Variants in HCN1 observed in about 807,000 individuals in gnomAD.
The protein encoded by HCN1 is potassium/sodium hyperpolarization-activated cyclic nucleotide-gated channel 1.
HCN1 carries 13 observed loss-of-function variants against 78.9 expected under a neutral mutation model. The observed-to-expected ratio is 0.16, with a 90% CI of 0.11 to 0.26. The LOEUF is 0.26. Among genes scored for constraint, HCN1 ranks in the 10% least tolerant of loss-of-function variants. The pLI, the probability that HCN1 is intolerant of heterozygous loss-of-function variation, is 1.00. For missense variants in HCN1, 810 were observed against 1,154.3 expected (o/e 0.70, Z 4.32); for synonymous variants, 552 against 455.5 (o/e 1.21, Z -2.70).
At chr5:45,595,105 A>C (rs1744460097) in intron 2 of HCN1, among the ~76,000 whole-genome samples, 1 of 152,114 alleles carries the variant, frequency 6.6e-6, no homozygotes, top group Non-Finnish European at 1.5e-5. Context: ...TTTTTTTCCA[A>C]GTAATAGAGA....
At chr5:45,659,195 C>A (rs57676056) in intron 1 of HCN1, among the ~76,000 whole-genome samples, 1 of 148,920 alleles carries the variant, frequency 6.7e-6, no homozygotes, top group South Asian at 2.2e-4. Flanking sequence ...CAGGGGCACA[C>A]TGACACCTCA....
chr5:45,494,960 T>A (rs1579929811), intron 2 of HCN1, among the ~76,000 whole-genome samples: 2 of 146,926 alleles, frequency 1.4e-5, no homozygotes, highest in South Asian at 4.5e-4. Flanking sequence ...TTGATCTATA[T>A]CTCTGTTTTG....
intron 5 of HCN1, 130 bp downstream of exon 5, chr5:45,352,967 AAAG>A (rs1276934181): frequency 3.5e-5 from 25 of 715,148 alleles, no homozygotes; most frequent in Non-Finnish European, 5.4e-5. Context: ...GTGAGAAGCT[AAAG>A]AAGATAAGGA....
chr5:45,453,784 T>C (rs1356337054), intron 3 of HCN1, among the ~76,000 whole-genome samples: 1 of 152,176 alleles, frequency 6.6e-6, no homozygotes, highest in Non-Finnish European at 1.5e-5. Context: ...TAATGTGTTA[T>C]ACATACATGA....
chr5:45,473,136 T>G (rs528287312), intron 2 of HCN1, among the ~76,000 whole-genome samples: 1 of 152,058 alleles, frequency 6.6e-6, no homozygotes, highest in Non-Finnish European at 1.5e-5. Context: ...TTATCAAAAT[T>G]TTCAATACTC....
intron 1 of HCN1, 78 bp downstream of exon 1, chr5:45,695,591 G>A: frequency 1.5e-6 from 2 of 1,361,370 alleles, no homozygotes; most frequent in Non-Finnish European, 2.0e-6. Context: ...TCCCCGGGAC[G>A]CCCCCCACCC....
intron 4 of HCN1, among the ~76,000 whole-genome samples, chr5:45,364,451 C>G (rs1247753242): frequency 6.6e-6 from 1 of 151,858 alleles, no homozygotes; most frequent in Non-Finnish European, 1.5e-5. Flanking sequence ...AATGGTCCAG[C>G]AGAGAACAAA....
At chr5:45,539,077 G>T (rs560845707) in intron 2 of HCN1, among the ~76,000 whole-genome samples, 101 of 152,232 alleles carry the variant, frequency 6.6e-4, no homozygotes, top group Admixed American at 1.8e-3. Context: ...CTTTCTATTT[G>T]TAACTTAGCA....
At chr5:45,442,558 T>C (rs977045509) in intron 3 of HCN1, among the ~76,000 whole-genome samples, 2 of 150,692 alleles carry the variant, frequency 1.3e-5, no homozygotes, top group Admixed American at 1.3e-4. Flanking sequence ...TTTGTACATA[T>C]AGATGCATCT....
chr5:45,659,282 T>G (rs1440801907), intron 1 of HCN1, among the ~76,000 whole-genome samples: 3 of 128,622 alleles, frequency 2.3e-5, no homozygotes, highest in East Asian at 2.5e-4. Flanking sequence ...AGAAAGGACA[T>G]CTACACCGAA....
intron 3 of HCN1, among the ~76,000 whole-genome samples, chr5:45,434,048 G>C (rs1301724979): frequency 6.6e-6 from 1 of 152,082 alleles, no homozygotes; most frequent in African/African-American, 2.4e-5. Context: ...GAAATACTGA[G>C]GTTAATTCCT....
At chr5:45,425,534 A>T (rs1259940232) in intron 3 of HCN1, among the ~76,000 whole-genome samples, 1 of 152,198 alleles carries the variant, frequency 6.6e-6, no homozygotes, top group African/African-American at 2.4e-5. Flanking sequence ...TGAGGATGGT[A>T]GTGATCGAAA....
At chr5:45,596,794 C>A (rs1207886565) in intron 2 of HCN1, among the ~76,000 whole-genome samples, 1 of 152,184 alleles carries the variant, frequency 6.6e-6, no homozygotes, top group Non-Finnish European at 1.5e-5. Context: ...ACTAAAGGAA[C>A]AGTTGCTGAC....
At chr5:45,575,862 G>C (rs1429733054) in intron 2 of HCN1, 1 of 152,034 alleles carries the variant, frequency 6.6e-6, no homozygotes, top group Non-Finnish European at 1.5e-5. Flanking sequence ...GCTTCAAAGA[G>C]TATTTTCAAC....
chr5:45,573,025 C>T (rs1357148306), intron 2 of HCN1, among the ~76,000 whole-genome samples: 1 of 152,056 alleles, frequency 6.6e-6, no homozygotes, highest in Non-Finnish European at 1.5e-5. Flanking sequence ...ATTTGTTTTG[C>T]TTAGCTGCGC....
chr5:45,320,868 T>C (rs1746111335), intron 5 of HCN1, among the ~76,000 whole-genome samples: 1 of 151,898 alleles, frequency 6.6e-6, no homozygotes, highest in Admixed American at 6.6e-5. Flanking sequence ...ACATTTCTAT[T>C]CGTCACAGTT....
chr5:45,539,458 T>G (rs1447670452), intron 2 of HCN1, among the ~76,000 whole-genome samples: 2 of 151,060 alleles, frequency 1.3e-5, no homozygotes, highest in African/African-American at 4.8e-5. Flanking sequence ...GTCAGGAGAT[T>G]GAGACCATCT....
In HCN1 at chr5:45,261,002, T is replaced by C. The variant is rs537999572; in HGVS notation, c.*919A>G. Reference sequence around the variant, plus strand: ...TACAAGCAATTTGTAGATTCGAGCATACAATTTTGCATAAAACATTGCAGG... The same window carrying C: ...TACAAGCAATTTGTAGATTCGAGCACACAATTTTGCATAAAACATTGCAGG... On this transcript the variant is annotated 3_prime_UTR_variant, in exon 8 of 8. Coordinates refer to ENST00000303230, the MANE Select transcript of HCN1 (RefSeq NM_021072.4). 6.5e-6 allele frequency: 1 copy of C among 152,740 alleles called. No individual in the cohort carries two copies. Among genetic ancestry groups the C allele is most frequent in the Non-Finnish European group, 1.5e-5 (1 of 68,008 alleles). 9.5% of individuals were successfully genotyped at this position (152,740 alleles called of 1,614,324 possible).
chr5:45,367,995 G>A (rs1234077192), intron 4 of HCN1, among the ~76,000 whole-genome samples: 1 of 151,910 alleles, frequency 6.6e-6, no homozygotes, highest in African/African-American at 2.4e-5. Flanking sequence ...TGGACCAATA[G>A]GTTACTGGAT....
Sources: allele counts gnomAD v4.1 joint callset (sites outside exome capture counted in the v4.1 genomes callset), GRCh38; gene constraint gnomAD v4.1.1; transcripts MANE v1.5; gene names NCBI Gene and HGNC (gene_info 2026-07-23, HGNC 2026-07-21).